Variants in TMC5 observed in about 807,000 individuals in gnomAD.
TMC5 encodes the protein transmembrane channel-like protein 5.
Under a neutral mutation model 110.5 loss-of-function variants are expected in TMC5, and 86 were observed. The observed-to-expected ratio is 0.78, with a 90% CI of 0.65 to 0.93. TMC5 has a LOEUF of 0.93. TMC5 is among the 40% of genes least tolerant of loss of function. TMC5 has a pLI of 0.00. For synonymous variants in TMC5, 455 were observed against 439.5 expected, an observed-to-expected ratio of 1.04 and a Z score of -0.44; for missense variants, 1,144 against 1,222.8, an observed-to-expected ratio of 0.94 and a Z score of 0.96.
At chr16:19,421,406 G>A (rs1438878009) in intron 1 of TMC5, among the ~76,000 whole-genome samples, 1 of 152,062 alleles carries the variant, frequency 6.6e-6, no homozygotes, top group African/African-American at 2.4e-5. Flanking sequence ...CACGAGATCT[G>A]ACGGTTTTAT....
At chr16:19,417,232 AAC>A (rs1966883603), upstream of TMC5, among the ~76,000 whole-genome samples, 1 of 151,942 alleles carries the variant, frequency 6.6e-6, no homozygotes, top group Non-Finnish European at 1.5e-5. Context: ...CAGCCTGGGC[AAC>A]ACGACAGAAC....
At chr16:19,445,036 G>C (rs766267267) in intron 4 of TMC5, among the ~76,000 whole-genome samples, 1 of 152,154 alleles carries the variant, frequency 6.6e-6, no homozygotes, top group Non-Finnish European at 1.5e-5. Context: ...GGCTAAGGCA[G>C]AAGAATCACT....
chr16:19,416,778 A>G (rs369967131), upstream of TMC5, among the ~76,000 whole-genome samples: 1 of 152,154 alleles, frequency 6.6e-6, no homozygotes, highest in Non-Finnish European at 1.5e-5. Flanking sequence ...CATGTTGCCA[A>G]AGGGGATGTA....
At chr16:19,477,373 A>G (rs1968514438) in intron 12 of TMC5, 67 bp from the exon 13 acceptor site, 1 of 1,188,888 alleles carries the variant, frequency 8.4e-7, no homozygotes, top group Admixed American at 1.7e-5. Context: ...GCCCCAAAGG[A>G]GCTATTTGCA....
rs561096962 is a variant in TMC5, at chr16:19,472,007, C to G, written c.1783-81C>G. ...AACTCCTGACCTCAAGTGATCCACC[C>G]GCCTTGGCCTCCCAAAGTGCTGGGA... is the stretch of plus-strand genomic sequence containing the variant. On this transcript the variant is annotated intron_variant, in intron 10 of 21. Transcript: ENST00000542583. The G allele has an allele frequency of 2.8e-6, 4 of 1,441,184 alleles. No homozygotes were observed. The African/African-American group carries it at 4.2e-5, about 15-fold the overall frequency. 89.3% of individuals were successfully genotyped at this position (1,441,184 alleles called of 1,614,324 possible).
intron 13 of TMC5, among the ~76,000 whole-genome samples, chr16:19,478,712 AT>A (rs1396906255): frequency 2.0e-5 from 3 of 151,950 alleles, no homozygotes; most frequent in African/African-American, 7.3e-5. Context: ...GCATCCATCT[AT>A]CTGTCAATTC....
upstream of TMC5, among the ~76,000 whole-genome samples, chr16:19,415,669 C>T (rs549253163): frequency 3.5e-4 from 53 of 152,320 alleles, no homozygotes; most frequent in Non-Finnish European, 5.7e-4. Flanking sequence ...CAGGCAGAAC[C>T]GCACGATCCA....
chr16:19,480,587 C>T (rs1968593527), intron 14 of TMC5, among the ~76,000 whole-genome samples: 1 of 151,956 alleles, frequency 6.6e-6, no homozygotes, highest in East Asian at 1.9e-4. Flanking sequence ...GGTGAATCAC[C>T]TGAGGTCAGG....
intron 1 of TMC5, among the ~76,000 whole-genome samples, chr16:19,425,233 C>T (rs1967066341): frequency 6.6e-6 from 1 of 151,934 alleles, no homozygotes; most frequent in African/African-American, 2.4e-5. Flanking sequence ...GTTATGTGTG[C>T]ATTAGAGAAG....
intron 20 of TMC5, among the ~76,000 whole-genome samples, chr16:19,496,850 A>G (rs1969065886): frequency 6.9e-6 from 1 of 144,958 alleles, no homozygotes; most frequent in East Asian, 2.0e-4. Context: ...AGATCATGCC[A>G]TTCCACTCCA....
chr16:19,456,483 T>C (rs1967875476), intron 5 of TMC5: 2 of 1,238,682 alleles, frequency 1.6e-6, no homozygotes, highest in African/African-American at 1.5e-5. Flanking sequence ...CTCCTTCTCC[T>C]GAGAAAACTC....
intron 2 of TMC5, among the ~76,000 whole-genome samples, chr16:19,434,003 T>A (rs1471917802): frequency 2.1e-4 from 22 of 107,090 alleles, no homozygotes; most frequent in South Asian, 5.0e-4. Context: ...TATATATATA[T>A]TATATATATA....
chr16:19,425,161 C>T (rs911831735), intron 1 of TMC5, among the ~76,000 whole-genome samples: 28 of 152,112 alleles, frequency 1.8e-4, no homozygotes, highest in African/African-American at 6.8e-4. Flanking sequence ...TATTTCTTAT[C>T]ACAAATCACA....
chr16:19,444,442 A>C (rs1164833518), intron 4 of TMC5, among the ~76,000 whole-genome samples, 192 bp downstream of exon 4: 1 of 152,100 alleles, frequency 6.6e-6, no homozygotes, highest in Non-Finnish European at 1.5e-5. Flanking sequence ...ATCAATTATA[A>C]AAAAAATGCT....
intron 3 of TMC5, 104 bp downstream of exon 3, chr16:19,440,930 C>T (rs1356577581): frequency 1.8e-5 from 21 of 1,182,548 alleles, no homozygotes; most frequent in Middle Eastern, 2.6e-4. Context: ...ATATATATGA[C>T]GGTTTCTATG....
At chr16:19,489,130 T>A (rs1206143619) in intron 17 of TMC5, among the ~76,000 whole-genome samples, 1 of 151,654 alleles carries the variant, frequency 6.6e-6, no homozygotes, top group African/African-American at 2.4e-5. Flanking sequence ...TAGTTTCTGC[T>A]CATTCCTCCA....
intron 2 of TMC5, among the ~76,000 whole-genome samples, chr16:19,434,485 T>G (rs1567300775): frequency 1.3e-5 from 1 of 75,812 alleles, no homozygotes; most frequent in Non-Finnish European, 2.5e-5. Flanking sequence ...GATAGATAGA[T>G]AGATAGATAT....
At chr16:19,442,341 T>A (rs957616052) in intron 3 of TMC5, among the ~76,000 whole-genome samples, 1 of 151,142 alleles carries the variant, frequency 6.6e-6, no homozygotes, top group African/African-American at 2.4e-5. Context: ...TTTTTTTTTT[T>A]TTTTTGAGAC....
At chr16:19,419,795 G>C (rs1014434584) in intron 1 of TMC5, among the ~76,000 whole-genome samples, 3 of 152,152 alleles carry the variant, frequency 2.0e-5, no homozygotes, top group Non-Finnish European at 4.4e-5. Context: ...TCAAGCTATA[G>C]AGTATCTTCA....
Sources: allele counts gnomAD v4.1 joint callset (sites outside exome capture counted in the v4.1 genomes callset), GRCh38; gene constraint gnomAD v4.1.1; transcripts MANE v1.5; gene names NCBI Gene and HGNC (gene_info 2026-07-23, HGNC 2026-07-21).